The following PXDN variants were observed in gnomAD, a reference collection of about 807,000 sequenced individuals.
PXDN encodes peroxidasin, also known as peroxidasin homolog.
PXDN carries 77 observed loss-of-function variants against 140.3 expected under a neutral mutation model. That is an observed-to-expected ratio of 0.55 (90% confidence interval 0.46 to 0.66). The LOEUF (loss-of-function observed/expected upper bound fraction) is 0.66, where lower values mean the gene tolerates loss of function less well. Among genes scored for constraint, PXDN ranks in the 30% least tolerant of loss-of-function variants. The probability of loss-of-function intolerance (pLI) is 0.00; values close to 1 mark genes in which losing one functional copy is unlikely to be tolerated. For synonymous variants in PXDN, 911 were observed against 857.4 expected, an observed-to-expected ratio of 1.06 and a Z score of -1.09; for missense variants, 1,838 against 2,039.5, an observed-to-expected ratio of 0.90 and a Z score of 1.90.
At chr2:1,733,906 AT>A (rs566822774) in intron 1 of PXDN, among the ~76,000 whole-genome samples, 3 of 152,138 alleles carry the variant, frequency 2.0e-5, no homozygotes, top group East Asian at 1.9e-4. Context: ...ACTATAAGAC[AT>A]TTTTTTTAGA....
intron 1 of PXDN, among the ~76,000 whole-genome samples, chr2:1,743,677 GA>G (rs1172266264): frequency 7.5e-5 from 7 of 93,810 alleles, no homozygotes; most frequent in Non-Finnish European, 1.0e-4. Flanking sequence ...GGAGGAGGAG[GA>G]GGAAGGGGAG....
At position 1,660,897 on chromosome 2, in the gene PXDN, C is replaced by G; in HGVS notation, c.1821G>C (p.Met607Ile). 6.2e-7 allele frequency: 1 copy of G among 1,613,072 alleles called. No individual in the cohort carries two copies. Among genetic ancestry groups the G allele is most frequent in the South Asian group, 1.1e-5 (1 of 91,002 alleles). ...GCATCTTACCATTCACACTGAGCAC[C>G]ATGCTCACCGAGGCCGACCCAATGG... is the stretch of plus-strand genomic sequence containing the variant. ...RNTIGSASVS[M>I]VLSVNVPDVS... Residue 607 changes from methionine to isoleucine, a missense_variant, in exon 14 of 23, where the codon ATG becomes ATC. Around this residue, in one of 5 missense-constraint regions of PXDN, gnomAD observed 537 missense variants for 583.9 expected, o/e 0.92. Coordinates refer to ENST00000252804, the MANE Select transcript of PXDN (RefSeq NM_012293.3). The surrounding 1 kb of genome is among the most constrained non-coding windows in gnomAD (Gnocchi z 4.6).
intron 14 of PXDN, among the ~76,000 whole-genome samples, chr2:1,658,068 CT>C (rs1179226890): frequency 0.094 from 11,524 of 122,338 alleles, 2,892 homozygotes; most frequent in Middle Eastern, 0.13. Context: ...CTCTCTCTCT[CT>C]CTCTCTCTCT....
In PXDN at chr2:1,631,973, T is replaced by C. The variant is rs529607925; in HGVS notation, c.*2231A>G. 2 of 152,610 alleles carry C rather than the reference T, an allele frequency of 1.3e-5. No homozygotes were observed. The highest frequency in any genetic ancestry group is 2.9e-5 in the Non-Finnish European group (2 of 68,036). The allele number at this position is 152,610 out of a possible 1,614,324, so 9.5% of individuals were successfully genotyped here. On this transcript the variant is annotated 3_prime_UTR_variant, in exon 23 of 23. Coordinates refer to ENST00000252804, the MANE Select transcript of PXDN (RefSeq NM_012293.3). ...TTCTTTGGTAATGAACTGAATACAA[T>C]GGTCATAAAAAAGGCATTTGGCTGT...
intron 1 of PXDN, among the ~76,000 whole-genome samples, chr2:1,701,721 G>A (rs759746090): frequency 8.5e-5 from 13 of 152,164 alleles, no homozygotes; most frequent in East Asian, 5.8e-4. Flanking sequence ...TTCGCACCCC[G>A]TCAAATTTGT....
At chr2:1,666,161 A>G in intron 10 of PXDN, 53 bp downstream of exon 10, 1 of 1,595,074 alleles carries the variant, frequency 6.3e-7, no homozygotes, top group Non-Finnish European at 8.6e-7. Context: ...GAGCTAGTGG[A>G]GGGGTGAGGA....
chr2:1,662,692 T>C (rs918757157), intron 12 of PXDN, among the ~76,000 whole-genome samples: 1 of 152,150 alleles, frequency 6.6e-6, no homozygotes, highest in African/African-American at 2.4e-5. Context: ...GCATTCTCTA[T>C]ACAGGCACCC....
chr2:1,638,199 C>G (rs577667196), intron 21 of PXDN, among the ~76,000 whole-genome samples: 1 of 152,156 alleles, frequency 6.6e-6, no homozygotes, highest in East Asian at 1.9e-4. Context: ...TCCACACCAG[C>G]GGAGTGAGCG....
intron 1 of PXDN, among the ~76,000 whole-genome samples, chr2:1,716,739 C>T (rs999541173): frequency 2.6e-5 from 4 of 152,150 alleles, no homozygotes; most frequent in Non-Finnish European, 5.9e-5. Context: ...ACCTCTCACG[C>T]CCTCCCAGCC....
chr2:1,698,153 C>T lies in PXDN; in HGVS notation c.201-5019G>A, dbSNP rs558442346. ...ATAAAGCACCAATGACAGTAAGCAG[C>T]GGTGAACAAGGTCACAGAAGGACGA... On this transcript the variant is annotated intron_variant, in intron 1 of 22. Coordinates refer to ENST00000252804, the MANE Select transcript of PXDN (RefSeq NM_012293.3). 4.6e-5 allele frequency among the ~76,000 whole-genome samples: 7 copies of T among 152,260 alleles called. No homozygotes were observed. The South Asian group carries it at 1.0e-3, about 23-fold the overall frequency.
rs757435970 is a variant in PXDN at position 1,660,875 on chromosome 2, T to A, written c.1837+6A>T. ...TGTGGGTAGATGTGGGCATGTGGCA[T>A]CTTACCATTCACACTGAGCACCATG... On this transcript the variant is annotated splice_donor_region_variant and intron_variant, in intron 14 of 22. Transcript: ENST00000252804. This position sits in a 1 kb window ranked among gnomAD's most constrained non-coding sequence, Gnocchi z 4.6. The A allele has an allele frequency of 2.5e-6, 4 of 1,605,874 alleles. No homozygotes were observed. The Admixed American group carries it at 6.7e-5, about 27-fold the overall frequency.
chr2:1,636,407 CTT>C (rs1682560281), intron 21 of PXDN: 1 of 152,454 alleles, frequency 6.6e-6, no homozygotes, highest in Non-Finnish European at 1.5e-5. Flanking sequence ...AAAACATCTT[CTT>C]TGATCTCCTG....
chr2:1,655,542 TCTGCCCCTCCTGACAGCAAC>T (rs1410066747), intron 14 of PXDN, among the ~76,000 whole-genome samples: 6 of 149,384 alleles, frequency 4.0e-5, no homozygotes, highest in Non-Finnish European at 7.4e-5. Flanking sequence ...CACACACACA[TCTGCCCCTCCTGACAGCAAC>T]CTGCCCCTCC....
At chr2:1,654,068 C>A in intron 15 of PXDN, 1 of 489,624 alleles carries the variant, frequency 2.0e-6, no homozygotes, top group Non-Finnish European at 3.6e-6. Context: ...TTGGAATCAG[C>A]AACGTGAACA....
At chr2:1,642,864 C>T (rs959213601) in intron 19 of PXDN, among the ~76,000 whole-genome samples, 4 of 152,190 alleles carry the variant, frequency 2.6e-5, no homozygotes, top group Non-Finnish European at 5.9e-5. Flanking sequence ...GGGCCCCCCG[C>T]GCCAATCATG....
Position 1,639,400 on chromosome 2 carries a change from G to A in PXDN, c.3975C>T (p.Phe1325=). The A allele has an allele frequency of 6.2e-7, 1 of 1,613,972 alleles. No individual in the cohort carries two copies. The highest frequency in any genetic ancestry group is 8.5e-7 in the Non-Finnish European group (1 of 1,179,876). The change falls in exon 20 of 23, where the codon TTC becomes TTT. Residue 1325 remains phenylalanine (F), a synonymous_variant. Transcript: ENST00000252804. This position sits in a 1 kb window ranked among gnomAD's most constrained non-coding sequence, Gnocchi z 5.0. ...CTCGGAAATGATAGGAAAAGGCATT[G>A]AACTGCCCCCTGGTCCTACAGTCTA... ...CCEDCRTRGQ[F]NAFSYHFRGR...
At position 1,665,040 on chromosome 2, in the gene PXDN, TCTGTC is replaced by T; in HGVS notation, c.1321_1325del (p.Asp441SerfsTer4). The T allele has an allele frequency of 1.2e-6, 2 of 1,611,704 alleles. No homozygotes were observed. Among genetic ancestry groups the T allele is most frequent in the Non-Finnish European group, 1.7e-6 (2 of 1,178,896 alleles). ...CCACGGTCTGGCCCTCAATAACGAC[TCTGTC>T]CTGAGGCGTCACAGTGAACTGAGGA... On this transcript the variant is annotated frameshift_variant, in exon 11 of 23. Transcript: ENST00000252804. LOFTEE classifies it high-confidence loss of function.
At chr2:1,701,728 T>C (rs187279911) in intron 1 of PXDN, among the ~76,000 whole-genome samples, 2 of 152,156 alleles carry the variant, frequency 1.3e-5, no homozygotes, top group Admixed American at 6.5e-5. Flanking sequence ...CCCGTCAAAT[T>C]TGTGCTAAGA....
At chr2:1,742,624 T>C (rs756887671) in intron 1 of PXDN, among the ~76,000 whole-genome samples, 6 of 152,230 alleles carry the variant, frequency 3.9e-5, no homozygotes, top group Non-Finnish European at 7.3e-5. Flanking sequence ...GGAAAAATCT[T>C]TGAGGTGCCA....
Sources: gnomAD v4.1 joint callset for allele counts (sites outside exome capture counted in the v4.1 genomes callset) on GRCh38, gnomAD v4.1.1 for gene constraint, gnomAD v4.1.1 regional missense constraint, Gnocchi (gnomAD v3.1) non-coding constraint, MANE v1.5 for transcripts, NCBI Gene and HGNC (gene_info 2026-07-23, HGNC 2026-07-21) for gene names.